Variants in NAP1L1 observed in about 807,000 individuals in gnomAD.
The protein encoded by NAP1L1 is nucleosome assembly protein 1 like 1.
Under a neutral mutation model 58.9 loss-of-function variants are expected in NAP1L1, and 9 were observed. The observed-to-expected ratio is 0.15, with a 90% confidence interval of 0.09 to 0.27. The LOEUF (loss-of-function observed/expected upper bound fraction) is 0.27, where lower values mean the gene tolerates loss of function less well. Among genes scored for constraint, NAP1L1 ranks in the 10% least tolerant of loss-of-function variants. NAP1L1 has a pLI of 1.00. For synonymous variants in NAP1L1, 130 were observed against 138.3 expected, an observed-to-expected ratio of 0.94 and a Z score of 0.42; for missense variants, 302 against 458.8, an observed-to-expected ratio of 0.66 and a Z score of 3.12.
At chr12:76,081,487 G>T (rs1950407755) in intron 1 of NAP1L1, among the ~76,000 whole-genome samples, 2 of 152,254 alleles carry the variant, frequency 1.3e-5, no homozygotes, top group South Asian at 4.2e-4. Context: ...CATACACTCA[G>T]CACTTTGGGA....
At position 76,041,152 on chromosome 12, in the gene NAP1L1, G is replaced by C. The variant is rs962091113; in HGVS notation, c.*7277C>G. ...AAGACCTTAGAGACTGAACTACTGA[G>C]AATCAATCATTCGACTTGCTACACA... On this transcript the variant is annotated 3_prime_UTR_variant, in exon 15 of 15. Transcript: ENST00000618691. 11 of 152,314 alleles carry C rather than the reference G, an allele frequency of 7.2e-5. No individual in the cohort carries two copies. Among genetic ancestry groups the C allele is most frequent in the Non-Finnish European group, 1.3e-4 (9 of 68,048 alleles). The allele number at this position is 152,314 out of a possible 1,614,324, so 9.4% of individuals were successfully genotyped here. A position where few individuals can be genotyped will look rare whatever the true frequency, so the allele number is the denominator to read the frequency against.
rs948725799 is a variant in NAP1L1 at position 76,045,270 on chromosome 12, G to A, written c.*3159C>T. On this transcript the variant is annotated 3_prime_UTR_variant, in exon 15 of 15. Transcript: ENST00000618691. The stretch of plus-strand genomic sequence containing the variant: ...CAAAAATATAAAGGCTTAAATTTTT[G>A]TAAGACTAACCCATAAAAAAGGACT... 9.9e-5 allele frequency: 15 copies of A among 151,940 alleles called. No individual in the cohort carries two copies. The highest frequency in any genetic ancestry group is 3.4e-4 in the African/African-American group (14 of 41,398). The allele number at this position is 151,940 out of a possible 1,614,324, so 9.4% of individuals were successfully genotyped here.
intron 4 of NAP1L1, among the ~76,000 whole-genome samples, chr12:76,065,599 C>T (rs922834161): frequency 8.0e-5 from 12 of 150,092 alleles, no homozygotes; most frequent in African/African-American, 2.7e-4. Flanking sequence ...AAAAAAGATG[C>T]TATTCACAAC....
At chr12:76,082,547 T>TG (rs1448687451) in intron 1 of NAP1L1, among the ~76,000 whole-genome samples, 1 of 152,208 alleles carries the variant, frequency 6.6e-6, no homozygotes, top group African/African-American at 2.4e-5. Flanking sequence ...AATGTTGACT[T>TG]GGAGAATCTA....
intron 11 of NAP1L1, among the ~76,000 whole-genome samples, chr12:76,051,411 T>A (rs1031668597): frequency 6.6e-6 from 1 of 151,942 alleles, no homozygotes; most frequent in Non-Finnish European, 1.5e-5. Flanking sequence ...AAGGACATAA[T>A]AAACAACCAC....
At position 76,055,002 on chromosome 12, in the gene NAP1L1, T is replaced by C. The variant is rs1206624259; in HGVS notation, c.630+17A>G. 7.6e-6 allele frequency: 12 copies of C among 1,570,532 alleles called. No individual in the cohort carries two copies. The highest frequency in any genetic ancestry group is 1.4e-5 in the African/African-American group (1 of 72,994). On this transcript the variant is annotated intron_variant, in intron 8 of 14. Coordinates refer to ENST00000618691, the MANE Select transcript of NAP1L1 (RefSeq NM_004537.7). ...TAAGCATGTTACAAAATTATAAATATTTCAAAGTTCTTTTACCATAGGCTG... is the reference window on the plus strand; with the variant it reads ...TAAGCATGTTACAAAATTATAAATACTTCAAAGTTCTTTTACCATAGGCTG...
intron 7 of NAP1L1, among the ~76,000 whole-genome samples, chr12:76,055,816 A>G (rs1377809763): frequency 6.6e-6 from 1 of 152,252 alleles, no homozygotes; most frequent in East Asian, 1.9e-4. Flanking sequence ...ATGAGCCATT[A>G]TCAATGGGAC....
intron 7 of NAP1L1, 43 bp downstream of exon 7, chr12:76,055,989 GT>G (rs764926386): frequency 5.0e-6 from 8 of 1,599,448 alleles, no homozygotes; most frequent in Non-Finnish European, 6.8e-6. Flanking sequence ...AACTTCAAAG[GT>G]TTACCCTTCA....
chr12:76,051,605 T>C (rs1182252426), intron 11 of NAP1L1, among the ~76,000 whole-genome samples: 2 of 152,148 alleles, frequency 1.3e-5, no homozygotes, highest in Non-Finnish European at 2.9e-5. Context: ...CCTCAAGTGA[T>C]CCTTCCACCT....
intron 2 of NAP1L1, among the ~76,000 whole-genome samples, chr12:76,070,745 G>A (rs1212438841): frequency 6.6e-6 from 1 of 152,074 alleles, no homozygotes; most frequent in Non-Finnish European, 1.5e-5. Context: ...CAAAATCCTG[G>A]GATGTTCAAG....
rs1948560623 is a variant in NAP1L1 at position 76,042,544 on chromosome 12, A to T, written c.*5885T>A. The T allele has an allele frequency of 1.3e-5, 2 of 152,274 alleles. No individual in the cohort carries two copies. Among genetic ancestry groups the T allele is most frequent in the South Asian group, 4.1e-4 (2 of 4,838 alleles). The allele number at this position is 152,274 out of a possible 1,614,324, so 9.4% of individuals were successfully genotyped here. A position where few individuals can be genotyped will look rare whatever the true frequency, so the allele number is the denominator to read the frequency against. ...TTTATTCATGGATTCTTATTCCTAT[A>T]GAGCAACCTCATCTACTTTCCTAGT... On this transcript the variant is annotated 3_prime_UTR_variant, in exon 15 of 15. Transcript: ENST00000618691.
chr12:76,039,786 A>T lies in NAP1L1; in HGVS notation c.*8643T>A, dbSNP rs1948533165. Reference sequence around the variant, plus strand: ...AAAAAGGGAATTAATATTCTCAATCAAGTATGATTAAGGCATTATTTTTAT... The same window carrying T: ...AAAAAGGGAATTAATATTCTCAATCTAGTATGATTAAGGCATTATTTTTAT... On this transcript the variant is annotated 3_prime_UTR_variant, in exon 15 of 15. Coordinates refer to ENST00000618691, the MANE Select transcript of NAP1L1 (RefSeq NM_004537.7). 2 of 152,356 alleles carry T rather than the reference A, an allele frequency of 1.3e-5. No individual in the cohort carries two copies. The highest frequency in any genetic ancestry group is 4.8e-5 in the African/African-American group (2 of 41,580). The allele number at this position is 152,356 out of a possible 1,614,324, so 9.4% of individuals were successfully genotyped here. A position where few individuals can be genotyped will look rare whatever the true frequency, so the allele number is the denominator to read the frequency against.
intron 1 of NAP1L1, among the ~76,000 whole-genome samples, chr12:76,074,700 G>A (rs779586658): frequency 2.4e-4 from 37 of 152,136 alleles, no homozygotes; most frequent in Non-Finnish European, 3.5e-4. Context: ...TGTAATTCAT[G>A]TTTAAGAAAA....
chr12:76,077,297 T>A (rs1950216435), intron 1 of NAP1L1, among the ~76,000 whole-genome samples: 1 of 152,222 alleles, frequency 6.6e-6, no homozygotes, highest in African/African-American at 2.4e-5. Context: ...CTGGCTACAT[T>A]GTATTTCTTG....
chr12:76,056,966 G>A (rs1342771738), intron 6 of NAP1L1: 3 of 237,690 alleles, frequency 1.3e-5, no homozygotes, highest in Non-Finnish European at 2.6e-5. Flanking sequence ...AGCCGAGACT[G>A]CACTCCAGCC....
chr12:76,036,775 TATA>T lies in NAP1L1; in HGVS notation c.*11651_*11653del, dbSNP rs755960971. 2.0e-5 allele frequency: 3 copies of T among 151,954 alleles called. No individual in the cohort carries two copies. The highest frequency in any genetic ancestry group is 2.9e-5 in the Non-Finnish European group (2 of 67,974). 9.4% of individuals were successfully genotyped at this position (151,954 alleles called of 1,614,324 possible). A position where few individuals can be genotyped will look rare whatever the true frequency, so the allele number is the denominator to read the frequency against. On this transcript the variant is annotated 3_prime_UTR_variant, in exon 15 of 15. Coordinates refer to ENST00000618691, the MANE Select transcript of NAP1L1 (RefSeq NM_004537.7). ...ACATGTCACGTTACCCTCATCAGGG[TATA>T]AAAGATAACCAAGGCTGGGCGCGGT...
At chr12:76,057,476 C>A (rs1949166019) in intron 6 of NAP1L1, 1 of 652,562 alleles carries the variant, frequency 1.5e-6, no homozygotes, top group Non-Finnish European at 2.8e-6. Flanking sequence ...TTTGTCGGCT[C>A]AGCTGGCAAC....
chr12:76,058,060 A>G, intron 6 of NAP1L1: 1 of 771,822 alleles, frequency 1.3e-6, no homozygotes, highest in Non-Finnish European at 2.4e-6. Context: ...GACATAATTG[A>G]GGTCATTCAG....
intron 6 of NAP1L1, 152 bp downstream of exon 6, chr12:76,059,646 A>G (rs1949309099): frequency 6.7e-6 from 4 of 595,744 alleles, no homozygotes; most frequent in Non-Finnish European, 1.2e-5. Context: ...AAATAAAGTA[A>G]TAGAAAAACG....
Sources: gnomAD v4.1 joint callset for allele counts (sites outside exome capture counted in the v4.1 genomes callset) on GRCh38, gnomAD v4.1.1 for gene constraint, MANE v1.5 for transcripts, NCBI Gene and HGNC (gene_info 2026-07-23, HGNC 2026-07-21) for gene names.